Variants in SASH1 observed in about 807,000 individuals in gnomAD.
The protein encoded by SASH1 is SAM and SH3 domain containing 1.
SASH1 carries 44 observed loss-of-function variants against 125.2 expected under a neutral mutation model. That is an observed-to-expected ratio of 0.35 (90% CI 0.28 to 0.45). The LOEUF (loss-of-function observed/expected upper bound fraction) is 0.45, where lower values mean the gene tolerates loss of function less well. Among genes scored for constraint, SASH1 ranks in the 20% least tolerant of loss-of-function variants. The pLI is 1.00. For missense variants in SASH1, 1,426 were observed against 1,614.5 expected (o/e 0.88, Z 2.00); for synonymous variants, 639 against 649.1 (o/e 0.98, Z 0.24).
chr6:148,295,919 C>T (rs1387648272), intron 1 of SASH1, among the ~76,000 whole-genome samples: 1 of 152,210 alleles, frequency 6.6e-6, no homozygotes, highest in Non-Finnish European at 1.5e-5. Context: ...GTATTCTATC[C>T]TTTGCCCTAG....
chr6:148,324,024 G>A (rs190785067), intron 1 of SASH1, among the ~76,000 whole-genome samples: 2 of 146,312 alleles, frequency 1.4e-5, no homozygotes, highest in Admixed American at 1.5e-4. Context: ...GGAGGCTGAG[G>A]CAGGAGAATC....
At chr6:148,229,623 A>G in the SASH1 span, among the ~76,000 whole-genome samples, 1 of 152,024 alleles carries the variant, frequency 6.6e-6, no homozygotes, top group East Asian at 1.9e-4. Flanking sequence ...TATAACTTGT[A>G]TGCCTTATAA....
At chr6:148,362,007 G>A (rs1233603545) in intron 1 of SASH1, among the ~76,000 whole-genome samples, 4 of 141,516 alleles carry the variant, frequency 2.8e-5, no homozygotes, top group African/African-American at 1.1e-4. Context: ...TCCGCCTCCC[G>A]GGTTCATGCC....
intron 12 of SASH1, among the ~76,000 whole-genome samples, chr6:148,528,326 A>G (rs1432059020): frequency 2.0e-5 from 3 of 152,202 alleles, no homozygotes; most frequent in Admixed American, 1.3e-4. Context: ...GCACCTGTAT[A>G]GCACTCATTT....
chr6:148,471,129 T>A (rs1778088029), intron 5 of SASH1, among the ~76,000 whole-genome samples: 1 of 151,964 alleles, frequency 6.6e-6, no homozygotes, highest in African/African-American at 2.4e-5. Flanking sequence ...TAAACAAACA[T>A]CAAAGTAAAC....
chr6:148,202,799 C>T, the SASH1 span, among the ~76,000 whole-genome samples: 1 of 151,990 alleles, frequency 6.6e-6, no homozygotes, highest in Admixed American at 6.5e-5. Flanking sequence ...ACTAAAAATA[C>T]AAGAACTAGG....
chr6:148,345,891 A>G (rs1021547167), intron 1 of SASH1, among the ~76,000 whole-genome samples: 2 of 152,186 alleles, frequency 1.3e-5, no homozygotes, highest in African/African-American at 4.8e-5. Flanking sequence ...TGAATTCAGT[A>G]GAAATGTAGT....
At chr6:148,448,910 A>G (rs954000341) in intron 4 of SASH1, among the ~76,000 whole-genome samples, 4 of 151,732 alleles carry the variant, frequency 2.6e-5, no homozygotes, top group African/African-American at 7.3e-5. Context: ...TCTGCCCTTC[A>G]CCCAGACTTT....
rs1159601712 is a variant in SASH1 at position 148,549,793 on chromosome 6, C to G, written c.*1235C>G. On this transcript the variant is annotated 3_prime_UTR_variant, in exon 20 of 20. Coordinates refer to ENST00000367467, the MANE Select transcript of SASH1 (RefSeq NM_015278.5). ...TTTGCTACTTTAAATTGTTTTACAACTGATTTCAGCACATTCTATCCTTTT... is the reference window on the plus strand; with the variant it reads ...TTTGCTACTTTAAATTGTTTTACAAGTGATTTCAGCACATTCTATCCTTTT... 2.6e-6 allele frequency: 1 copy of G among 382,160 alleles called. No homozygotes were observed. The highest frequency in any genetic ancestry group is 4.6e-6 in the Non-Finnish European group (1 of 216,184). The allele number at this position is 382,160 out of a possible 1,614,324, so 23.7% of individuals were successfully genotyped here.
intron 7 of SASH1, among the ~76,000 whole-genome samples, chr6:148,477,663 T>A (rs911392880): frequency 1.3e-5 from 2 of 150,354 alleles, no homozygotes; most frequent in Admixed American, 6.6e-5. Context: ...ATAGCTGGGA[T>A]CACAGGTGCC....
chr6:148,264,626 C>A, the SASH1 span, among the ~76,000 whole-genome samples: 1 of 152,216 alleles, frequency 6.6e-6, no homozygotes, highest in Non-Finnish European at 1.5e-5. Flanking sequence ...CCCAGTCATA[C>A]TTGACTTTTT....
Position 148,533,678 on chromosome 6 carries a change from T to G in SASH1, c.1735-93T>G. The stretch of plus-strand genomic sequence containing the variant: ...CCCGATTCTGGCCTTTGTGGCATCT[T>G]CACTTCTGCATGACCTGTGTATCTG... On this transcript the variant is annotated intron_variant, in intron 14 of 19. Coordinates refer to ENST00000367467, the MANE Select transcript of SASH1 (RefSeq NM_015278.5). The surrounding 1 kb of genome is among the most constrained non-coding windows in gnomAD (Gnocchi z 6.2). 3 of 1,225,706 alleles carry G rather than the reference T, an allele frequency of 2.4e-6. No individual in the cohort carries two copies. The highest frequency in any genetic ancestry group is 3.5e-6 in the Non-Finnish European group (3 of 861,320). 75.9% of individuals were successfully genotyped at this position (1,225,706 alleles called of 1,614,324 possible).
chr6:148,518,234 C>G (rs1288173440), intron 9 of SASH1, among the ~76,000 whole-genome samples: 1 of 152,100 alleles, frequency 6.6e-6, no homozygotes, highest in African/African-American at 2.4e-5. Context: ...TTAAAGTCCC[C>G]CTGAAAGATC....
intron 1 of SASH1, among the ~76,000 whole-genome samples, chr6:148,383,266 C>T (rs1443595699): frequency 6.6e-6 from 1 of 152,092 alleles, no homozygotes; most frequent in Non-Finnish European, 1.5e-5. Context: ...CTTGGGAAGT[C>T]ATTCAAAAAA....
At chr6:148,467,233 A>G (rs1777885483) in intron 4 of SASH1, among the ~76,000 whole-genome samples, 1 of 151,578 alleles carries the variant, frequency 6.6e-6, no homozygotes, top group Non-Finnish European at 1.5e-5. Context: ...AGTAGCTAGG[A>G]TTACAGGCCT....
intron 8 of SASH1, chr6:148,509,119 A>G (rs1779972396): frequency 2.8e-6 from 1 of 353,074 alleles, no homozygotes; most frequent in African/African-American, 2.1e-5. Context: ...AGAATTTGAG[A>G]CAATGAGCAT....
chr6:148,385,287 A>G (rs973131514), intron 1 of SASH1, among the ~76,000 whole-genome samples: 3 of 152,158 alleles, frequency 2.0e-5, no homozygotes, highest in African/African-American at 7.2e-5. Context: ...AGCAACAAAT[A>G]TATTTTTCAG....
At chr6:148,345,829 G>GC (rs1349809165) in intron 1 of SASH1, among the ~76,000 whole-genome samples, 1 of 152,140 alleles carries the variant, frequency 6.6e-6, no homozygotes, top group Non-Finnish European at 1.5e-5. Flanking sequence ...CTGGTCGCTG[G>GC]CCCCTCCAGT....
intron 4 of SASH1, among the ~76,000 whole-genome samples, chr6:148,456,056 G>A (rs760337944): frequency 6.6e-6 from 1 of 152,184 alleles, no homozygotes; most frequent in African/African-American, 2.4e-5. Flanking sequence ...AGCAGGCCTC[G>A]GGGATGGTGA....
Sources: gnomAD v4.1 joint callset for allele counts (sites outside exome capture counted in the v4.1 genomes callset) on GRCh38, gnomAD v4.1.1 for gene constraint, Gnocchi (gnomAD v3.1) non-coding constraint, MANE v1.5 for transcripts, NCBI Gene and HGNC (gene_info 2026-07-23, HGNC 2026-07-21) for gene names.